The following TOX3 variants were observed in gnomAD, a reference collection of about 807,000 sequenced individuals.
The protein encoded by TOX3 is TOX high mobility group box family member 3, also known as CAG trinucleotide repeat-containing gene F9 protein.
A neutral mutation model predicts 64.3 loss-of-function variants in TOX3; 22 were observed. That is an observed-to-expected ratio of 0.34 (90% confidence interval 0.24 to 0.49). TOX3 has a LOEUF of 0.49. Ranked by LOEUF, TOX3 falls within the 20% of genes least tolerant of loss-of-function variation. The pLI is 0.99. For synonymous variants in TOX3, 291 were observed against 273.6 expected (o/e 1.06, Z -0.63); for missense variants, 661 against 714.4 (o/e 0.93, Z 0.85).
At chr16:52,498,368 G>A (rs1961905754) in intron 1 of TOX3, among the ~76,000 whole-genome samples, 1 of 152,168 alleles carries the variant, frequency 6.6e-6, no homozygotes, top group Non-Finnish European at 1.5e-5. Flanking sequence ...AAATATTAAA[G>A]TTGACCTATC....
At chr16:52,471,615 G>C (rs1213009685) in intron 1 of TOX3, among the ~76,000 whole-genome samples, 1 of 152,140 alleles carries the variant, frequency 6.6e-6, no homozygotes, top group Admixed American at 6.5e-5. Flanking sequence ...AAGCACTCTA[G>C]TATTTGTTGA....
At chr16:52,546,292 C>A (rs962288933) in intron 1 of TOX3, among the ~76,000 whole-genome samples, 1 of 152,110 alleles carries the variant, frequency 6.6e-6, no homozygotes, top group Admixed American at 6.5e-5. Context: ...TCCAGGGGGG[C>A]TGCGATCGTG....
At chr16:52,454,294 A>G (rs1960449825) in intron 3 of TOX3, among the ~76,000 whole-genome samples, 1 of 152,162 alleles carries the variant, frequency 6.6e-6, no homozygotes, top group Non-Finnish European at 1.5e-5. Context: ...ACTCCTGAAG[A>G]GTACTGGTGG....
At chr16:52,448,851 T>C (rs755971598) in intron 4 of TOX3, among the ~76,000 whole-genome samples, 2 of 152,202 alleles carry the variant, frequency 1.3e-5, no homozygotes, top group Non-Finnish European at 2.9e-5. Flanking sequence ...TAGACTCCAA[T>C]GTAAGCACGT....
chr16:52,540,419 T>C (rs1963052772), intron 1 of TOX3, among the ~76,000 whole-genome samples: 1 of 151,902 alleles, frequency 6.6e-6, no homozygotes, highest in African/African-American at 2.4e-5. Flanking sequence ...TATGTGTATA[T>C]ATATATTCCT....
chr16:52,535,816 A>G (rs969890448), intron 1 of TOX3, among the ~76,000 whole-genome samples: 18 of 152,332 alleles, frequency 1.2e-4, no homozygotes, highest in East Asian at 1.9e-4. Context: ...TCAGCTTCAT[A>G]ATCATTGTTC....
At chr16:52,524,361 A>T (rs1962677622) in intron 1 of TOX3, among the ~76,000 whole-genome samples, 1 of 152,198 alleles carries the variant, frequency 6.6e-6, no homozygotes, top group Non-Finnish European at 1.5e-5. Context: ...ATGATATATT[A>T]AAAATGGAAT....
Position 52,546,807 on chromosome 16 carries a change from G to A in TOX3, c.-84C>T. 2 of 1,325,622 alleles carry A rather than the reference G, an allele frequency of 1.5e-6. No individual in the cohort carries two copies. Among genetic ancestry groups the A allele is most frequent in the Non-Finnish European group, 1.9e-6 (2 of 1,039,144 alleles). 82.1% of individuals were successfully genotyped at this position (1,325,622 alleles called of 1,614,324 possible). ...CCTCCTCGCCGCCGCTAGATCCACCGTCGAGGGCGCCCGGGGGTGGCGCGT... is the reference window on the plus strand; with the variant it reads ...CCTCCTCGCCGCCGCTAGATCCACCATCGAGGGCGCCCGGGGGTGGCGCGT... On this transcript the variant is annotated 5_prime_UTR_variant, in exon 1 of 7. In the 5' UTR this introduces an upstream ATG that the reference lacks. Transcript: ENST00000219746.
intron 1 of TOX3, among the ~76,000 whole-genome samples, chr16:52,530,494 G>C (rs999417447): frequency 6.6e-6 from 1 of 151,948 alleles, no homozygotes; most frequent in Non-Finnish European, 1.5e-5. Context: ...CTGCCACCAC[G>C]CCCGGCTACT....
intron 6 of TOX3, among the ~76,000 whole-genome samples, chr16:52,441,536 A>G (rs1959988540): frequency 6.6e-6 from 1 of 152,204 alleles, no homozygotes; most frequent in Non-Finnish European, 1.5e-5. Flanking sequence ...CCACTAATGC[A>G]ACAGTGATTG....
intron 3 of TOX3, among the ~76,000 whole-genome samples, chr16:52,458,176 C>G (rs1282541511): frequency 2.0e-5 from 3 of 152,122 alleles, no homozygotes; most frequent in Non-Finnish European, 4.4e-5. Flanking sequence ...AGTAAATGTT[C>G]TTTCATTGTC....
intron 2 of TOX3, among the ~76,000 whole-genome samples, chr16:52,466,488 C>T (rs1048585997): frequency 5.9e-5 from 9 of 152,284 alleles, no homozygotes; most frequent in African/African-American, 2.2e-4. Flanking sequence ...ACTTTTAATG[C>T]AGTGACTGGG....
intron 1 of TOX3, among the ~76,000 whole-genome samples, chr16:52,544,328 T>C (rs956423930): frequency 2.6e-5 from 4 of 152,256 alleles, no homozygotes; most frequent in African/African-American, 9.6e-5. Flanking sequence ...CTTCCTCTTC[T>C]ACTATATTCT....
intron 1 of TOX3, among the ~76,000 whole-genome samples, chr16:52,492,898 C>CAA (rs71777089): frequency 0.012 from 1,548 of 132,550 alleles, 30 homozygotes; most frequent in African/African-American, 0.041. Flanking sequence ...AACCCAACTG[C>CAA]AAAAAAAAAA....
intron 6 of TOX3, among the ~76,000 whole-genome samples, chr16:52,443,637 A>AG (rs773288833): frequency 2.6e-5 from 4 of 152,220 alleles, no homozygotes; most frequent in Non-Finnish European, 5.9e-5. Flanking sequence ...GAAAGGCAAG[A>AG]GAAAAAGCTA....
At chr16:52,475,332 G>A (rs1961176961) in intron 1 of TOX3, among the ~76,000 whole-genome samples, 1 of 152,142 alleles carries the variant, frequency 6.6e-6, no homozygotes, top group Admixed American at 6.6e-5. Context: ...CAGAACTGCT[G>A]TCCAAGCCCA....
At chr16:52,487,395 T>G (rs1961561264) in intron 1 of TOX3, among the ~76,000 whole-genome samples, 1 of 152,112 alleles carries the variant, frequency 6.6e-6, no homozygotes, top group South Asian at 2.1e-4. Flanking sequence ...TCAATACCCT[T>G]TCACTACTAG....
At chr16:52,490,409 C>T (rs1415818682) in intron 1 of TOX3, among the ~76,000 whole-genome samples, 1 of 152,026 alleles carries the variant, frequency 6.6e-6, no homozygotes, top group Non-Finnish European at 1.5e-5. Context: ...TGAGAATGGA[C>T]TAATACATCT....
At chr16:52,460,425 C>T (rs2151753124) in intron 3 of TOX3, among the ~76,000 whole-genome samples, 1 of 152,244 alleles carries the variant, frequency 6.6e-6, no homozygotes, top group Admixed American at 6.5e-5. Flanking sequence ...TCAAAGCTAA[C>T]CTTCTGTTAT....
Sources: allele counts gnomAD v4.1 joint callset (sites outside exome capture counted in the v4.1 genomes callset), GRCh38; gene constraint gnomAD v4.1.1; transcripts MANE v1.5; gene names NCBI Gene and HGNC (gene_info 2026-07-23, HGNC 2026-07-21).